The following ERI3 variants were observed in gnomAD, a reference collection of about 807,000 sequenced individuals.
ERI3 encodes the protein ERI1 exoribonuclease 3.
Under a neutral mutation model 44.4 loss-of-function variants are expected in ERI3, and 18 were observed. The observed-to-expected ratio is 0.41, with a 90% CI of 0.28 to 0.60. The LOEUF (loss-of-function observed/expected upper bound fraction) is 0.60. Ranked by LOEUF, ERI3 falls within the 20% of genes least tolerant of loss-of-function variation. The pLI is 0.36. For missense variants in ERI3, 294 were observed against 435.5 expected, an observed-to-expected ratio of 0.68 and a Z score of 2.89; for synonymous variants, 183 against 164.8, an observed-to-expected ratio of 1.11 and a Z score of -0.84.
intron 7 of ERI3, chr1:44,256,602 G>A (rs1644786542): frequency 6.6e-6 from 1 of 152,306 alleles, no homozygotes; most frequent in African/African-American, 2.4e-5. Flanking sequence ...TATCGTCTCT[G>A]TGTACTTAAC....
intron 6 of ERI3, 65 bp from the exon 7 acceptor site, chr1:44,284,972 A>T: frequency 7.3e-7 from 1 of 1,373,368 alleles, no homozygotes; most frequent in Admixed American, 1.7e-5. Context: ...AAGTCTTAAG[A>T]TGGGAAGTCC....
intron 3 of ERI3, among the ~76,000 whole-genome samples, chr1:44,320,592 CAG>C (rs560827132): frequency 1.2e-4 from 18 of 152,138 alleles, no homozygotes; most frequent in African/African-American, 4.3e-4. Context: ...ACGTGCGTAC[CAG>C]AGAGAAGAGG....
intron 6 of ERI3, among the ~76,000 whole-genome samples, chr1:44,299,150 T>G (rs1170216659): frequency 6.6e-6 from 1 of 152,114 alleles, no homozygotes; most frequent in Non-Finnish European, 1.5e-5. Context: ...CACTTCACAT[T>G]TGTGTATTTA....
intron 3 of ERI3, among the ~76,000 whole-genome samples, chr1:44,334,088 C>T (rs1221490793): frequency 1.3e-5 from 2 of 152,228 alleles, no homozygotes; most frequent in Non-Finnish European, 2.9e-5. Context: ...ATGCAGGAGC[C>T]TGACGGATGG....
At chr1:44,264,591 C>T (rs1029684630) in intron 7 of ERI3, among the ~76,000 whole-genome samples, 6 of 152,234 alleles carry the variant, frequency 3.9e-5, no homozygotes, top group Admixed American at 1.3e-4. Context: ...GGTCTCCTCC[C>T]TCCTTCCTGA....
At chr1:44,268,299 A>G (rs1008816690) in intron 7 of ERI3, among the ~76,000 whole-genome samples, 2 of 151,734 alleles carry the variant, frequency 1.3e-5, no homozygotes, top group Admixed American at 6.6e-5. Flanking sequence ...GTGAATATAG[A>G]TGTCCCAGCC....
At chr1:44,299,948 G>A (rs1334570263) in intron 6 of ERI3, among the ~76,000 whole-genome samples, 1 of 152,114 alleles carries the variant, frequency 6.6e-6, no homozygotes, top group Non-Finnish European at 1.5e-5. Flanking sequence ...GATCCAATTT[G>A]TCTTCCTGAC....
intron 3 of ERI3, among the ~76,000 whole-genome samples, chr1:44,320,808 A>G (rs551691402): frequency 6.6e-6 from 1 of 152,260 alleles, no homozygotes; most frequent in South Asian, 2.1e-4. Context: ...AGAGACAAAT[A>G]GGAAATAATA....
intron 8 of ERI3, among the ~76,000 whole-genome samples, chr1:44,237,465 A>G (rs951035801): frequency 3.9e-5 from 6 of 152,236 alleles, no homozygotes; most frequent in African/African-American, 1.4e-4. Flanking sequence ...AGTGAGCCTG[A>G]CAGTTAGAGG....
intron 2 of ERI3, among the ~76,000 whole-genome samples, chr1:44,344,583 T>G (rs1312120238): frequency 1.3e-5 from 2 of 152,182 alleles, no homozygotes; most frequent in Admixed American, 6.5e-5. Context: ...CTCCGGTGTC[T>G]TAGGGATTTC....
At chr1:44,305,985 G>A (rs1220605444) in intron 6 of ERI3, among the ~76,000 whole-genome samples, 1 of 152,332 alleles carries the variant, frequency 6.6e-6, no homozygotes. Flanking sequence ...GCTCTGACGA[G>A]AGCCATCTGA....
Position 44,259,340 on chromosome 1 carries a change from G to A in ERI3, c.832-11302C>T, listed in dbSNP as rs561517015. Among the ~76,000 whole-genome samples the A allele has an allele frequency of 8.9e-4, 135 of 152,152 alleles. 1 individual carries two copies. The highest frequency in any genetic ancestry group is 3.2e-3 in the African/African-American group (134 of 41,496). ...AAGGGCAGAGGTGGGGTGACTGGGGGCATGCTAAGGCCTGGAAGGAATCAA... is the reference window on the plus strand; with the variant it reads ...AAGGGCAGAGGTGGGGTGACTGGGGACATGCTAAGGCCTGGAAGGAATCAA... On this transcript the variant is annotated intron_variant, in intron 7 of 8. Transcript: ENST00000372257.
chr1:44,340,975 A>T (rs963909917), intron 2 of ERI3, among the ~76,000 whole-genome samples: 2 of 152,230 alleles, frequency 1.3e-5, no homozygotes, highest in African/African-American at 4.8e-5. Flanking sequence ...CAGTCTGCTC[A>T]AATTACCCAT....
At chr1:44,262,719 C>T (rs963028866) in intron 7 of ERI3, among the ~76,000 whole-genome samples, 1 of 152,208 alleles carries the variant, frequency 6.6e-6, no homozygotes, top group Non-Finnish European at 1.5e-5. Context: ...GAGGACAATG[C>T]CTTGTGAGGT....
rs1644093497 is a variant in ERI3, at chr1:44,228,278, G to A, written c.932-6638C>T. Among the ~76,000 whole-genome samples, 1 of 152,172 alleles carries A rather than the reference G, an allele frequency of 6.6e-6. No homozygotes were observed. Among genetic ancestry groups the A allele is most frequent in the Non-Finnish European group, 1.5e-5 (1 of 68,028 alleles). ...CACCGAGGTGCCTGGAGGTGCCACA[G>A]GCTGATGGTGAAGGATGACGATGGT... On this transcript the variant is annotated intron_variant, in intron 8 of 8. Coordinates refer to ENST00000372257, the MANE Select transcript of ERI3 (RefSeq NM_024066.3). The surrounding 1 kb of genome is among the most constrained non-coding windows in gnomAD (Gnocchi z 4.3).
intron 5 of ERI3, among the ~76,000 whole-genome samples, chr1:44,310,379 C>A (rs144363654): frequency 2.6e-5 from 4 of 152,136 alleles, no homozygotes; most frequent in Admixed American, 6.5e-5. Flanking sequence ...GCCTTCCCTG[C>A]GAATATAAGC....
intron 6 of ERI3, among the ~76,000 whole-genome samples, chr1:44,290,998 G>A (rs1182397138): frequency 6.6e-6 from 1 of 152,118 alleles, no homozygotes; most frequent in East Asian, 1.9e-4. Context: ...TTATCTGCCC[G>A]TGACACCTTT....
intron 7 of ERI3, among the ~76,000 whole-genome samples, chr1:44,270,204 T>C (rs1256169676): frequency 6.6e-6 from 1 of 152,090 alleles, no homozygotes; most frequent in Non-Finnish European, 1.5e-5. Context: ...CAGACTAACT[T>C]TACCCTCTCA....
At chr1:44,242,199 G>A in intron 8 of ERI3, 1 of 948,256 alleles carries the variant, frequency 1.1e-6, no homozygotes, top group Non-Finnish European at 1.3e-6. Context: ...CAGTAGTACT[G>A]TGCTCTGCCC....
Sources: allele counts gnomAD v4.1 joint callset (sites outside exome capture counted in the v4.1 genomes callset), GRCh38; gene constraint gnomAD v4.1.1; non-coding constraint Gnocchi (gnomAD v3.1); transcripts MANE v1.5; gene names NCBI Gene and HGNC (gene_info 2026-07-23, HGNC 2026-07-21).